Variants in FAM53A observed in about 807,000 individuals in gnomAD.
FAM53A encodes the protein family with sequence similarity 53 member A, also known as protein FAM53A.
FAM53A carries 28 observed loss-of-function variants against 26.6 expected under a neutral mutation model. That is an observed-to-expected ratio of 1.05 (90% CI 0.78 to 1.45). The LOEUF is 1.45. Ranked by LOEUF, FAM53A falls within the 40% of genes most tolerant of loss-of-function variation. FAM53A has a pLI of 0.00. For missense variants in FAM53A, 650 were observed against 575.8 expected (o/e 1.13, Z -1.32); for synonymous variants, 290 against 253.1 (o/e 1.15, Z -1.38).
intron 1 of FAM53A, among the ~76,000 whole-genome samples, chr4:1,634,112 C>T (rs940768485): frequency 5.3e-5 from 8 of 152,120 alleles, no homozygotes; most frequent in African/African-American, 7.2e-5. Context: ...GTGAGGGAAC[C>T]GGGGCCTCTT....
the FAM53A span, among the ~76,000 whole-genome samples, chr4:1,606,743 A>C: frequency 6.6e-6 from 1 of 152,188 alleles, no homozygotes; most frequent in Admixed American, 6.5e-5. Context: ...ACCCCTGTGT[A>C]GCGTTCCCCT....
the FAM53A span, among the ~76,000 whole-genome samples, chr4:1,606,041 T>C: frequency 2.6e-5 from 1 of 38,378 alleles, no homozygotes; most frequent in African/African-American, 7.1e-5. Context: ...CCTATGACTC[T>C]TTTTTTTTTT....
intron 4 of FAM53A, among the ~76,000 whole-genome samples, chr4:1,652,388 T>G (rs114221398): frequency 8.5e-6 from 1 of 117,376 alleles, no homozygotes; most frequent in Non-Finnish European, 1.7e-5. Flanking sequence ...ACACATCACA[T>G]GCACACCACA....
intron 4 of FAM53A, among the ~76,000 whole-genome samples, chr4:1,653,657 G>A (rs546194914): frequency 2.0e-5 from 3 of 152,318 alleles, no homozygotes; most frequent in African/African-American, 4.8e-5. Flanking sequence ...TCTAAACCCT[G>A]CTCTCTGCAG....
At chr4:1,635,094 T>C (rs1715780833), downstream of FAM53A, among the ~76,000 whole-genome samples, 1 of 152,182 alleles carries the variant, frequency 6.6e-6, no homozygotes, top group Non-Finnish European at 1.5e-5. Context: ...ATCCTCTATC[T>C]TTATAATCCA....
chr4:1,582,441 C>T, the FAM53A span, among the ~76,000 whole-genome samples: 2 of 151,308 alleles, frequency 1.3e-5, no homozygotes, highest in African/African-American at 4.9e-5. Context: ...ATGTATGCCA[C>T]CTACACAGAC....
chr4:1,633,849 A>T (rs144556169), intron 1 of FAM53A, among the ~76,000 whole-genome samples: 239 of 150,290 alleles, frequency 1.6e-3, no homozygotes, highest in African/African-American at 5.0e-3. Context: ...AAGAGGTTTT[A>T]AAAAAAAAAT....
chr4:1,652,174 CCA>C (rs1416020371), intron 4 of FAM53A, among the ~76,000 whole-genome samples: 3 of 136,912 alleles, frequency 2.2e-5, no homozygotes, highest in Admixed American at 7.3e-5. Context: ...ACCCCACACG[CCA>C]CACACACCAT....
At chr4:1,590,921 A>G in the FAM53A span, among the ~76,000 whole-genome samples, 1 of 135,410 alleles carries the variant, frequency 7.4e-6, no homozygotes, top group Non-Finnish European at 1.6e-5. Context: ...TCTCAGTTGT[A>G]GTTTTATATG....
At chr4:1,590,471 C>T in the FAM53A span, among the ~76,000 whole-genome samples, 1 of 152,234 alleles carries the variant, frequency 6.6e-6, no homozygotes, top group South Asian at 2.1e-4. Context: ...TCACCCAGGT[C>T]CAGCCCTGAA....
At chr4:1,577,182 G>A in the FAM53A span, among the ~76,000 whole-genome samples, 125,217 of 152,024 alleles carry the variant, frequency 0.82, 51,738 homozygotes, top group East Asian at 0.87. Context: ...CCAGGACATT[G>A]GCCAGGCACA....
intron 1 of FAM53A, among the ~76,000 whole-genome samples, chr4:1,681,310 C>A (rs1401244046): frequency 2.0e-5 from 3 of 152,030 alleles, no homozygotes; most frequent in Admixed American, 1.3e-4. Flanking sequence ...GTTGGCCAAG[C>A]TGCTCTTCAA....
At chr4:1,651,653 A>C (rs1712794697) in intron 4 of FAM53A, among the ~76,000 whole-genome samples, 1 of 151,690 alleles carries the variant, frequency 6.6e-6, no homozygotes, top group Non-Finnish European at 1.5e-5. Flanking sequence ...AGGAGGACTG[A>C]ATCACAGAAA....
At chr4:1,657,944 C>T (rs561577976) in intron 2 of FAM53A, among the ~76,000 whole-genome samples, 5 of 150,574 alleles carry the variant, frequency 3.3e-5, no homozygotes, top group South Asian at 4.2e-4. Context: ...CGGCTGTAAA[C>T]GGACATTTTT....
At chr4:1,642,920 G>T (rs907605407) in intron 4 of FAM53A, among the ~76,000 whole-genome samples, 1 of 152,210 alleles carries the variant, frequency 6.6e-6, no homozygotes, top group Non-Finnish European at 1.5e-5. Context: ...GCACAGGGGC[G>T]CCATGATGCC....
At chr4:1,601,267 C>T in the FAM53A span, among the ~76,000 whole-genome samples, 1 of 45,126 alleles carries the variant, frequency 2.2e-5, no homozygotes, top group African/African-American at 5.4e-5. Flanking sequence ...GCAGGAAAAA[C>T]CTGCACTTTC....
intron 4 of FAM53A, among the ~76,000 whole-genome samples, chr4:1,650,807 T>G (rs6599395): frequency 0.072 from 10,989 of 151,758 alleles, 443 homozygotes; most frequent in Middle Eastern, 0.18. Flanking sequence ...GTTTTGTTTT[T>G]TTTTTAACAC....
At chr4:1,626,356 C>G (rs369019524) in intron 1 of FAM53A, among the ~76,000 whole-genome samples, 1 of 152,240 alleles carries the variant, frequency 6.6e-6, no homozygotes, top group African/African-American at 2.4e-5. Flanking sequence ...CTGACCCAGA[C>G]AGCAGAGCCC....
chr4:1,582,855 C>A, the FAM53A span, among the ~76,000 whole-genome samples: 8 of 152,128 alleles, frequency 5.3e-5, no homozygotes, highest in Non-Finnish European at 1.2e-4. Flanking sequence ...CCTGTCTCAA[C>A]TAAAGCAAAA....
Sources: allele counts gnomAD v4.1 joint callset (sites outside exome capture counted in the v4.1 genomes callset), GRCh38; gene constraint gnomAD v4.1.1; transcripts MANE v1.5; gene names NCBI Gene and HGNC (gene_info 2026-07-23, HGNC 2026-07-21).